Variants in JADE3 observed in about 807,000 individuals in gnomAD.
The protein encoded by JADE3 is jade family PHD finger 3.
Under a neutral mutation model 50.1 loss-of-function variants are expected in JADE3, and 2 were observed. That is an observed-to-expected ratio of 0.04 (90% confidence interval 0.02 to 0.13). The LOEUF (loss-of-function observed/expected upper bound fraction) is 0.13, where lower values mean the gene tolerates loss of function less well. Ranked by LOEUF, JADE3 falls within the 10% of genes least tolerant of loss-of-function variation. The probability of loss-of-function intolerance (pLI) is 1.00; values close to 1 mark genes in which losing one functional copy is unlikely to be tolerated. For synonymous variants in JADE3, 218 were observed against 232.9 expected (o/e 0.94, Z 0.58); for missense variants, 475 against 634.4 (o/e 0.75, Z 2.70).
intron 9 of JADE3, among the ~76,000 whole-genome samples, chrX:47,055,562 T>G (rs1343028271): frequency 8.9e-6 from 1 of 112,305 alleles, no homozygotes; most frequent in Non-Finnish European, 1.9e-5. Context: ...AAAGAAAGTT[T>G]GTGTAACTTG....
chrX:46,982,696 G>A (rs1927782462), intron 1 of JADE3, among the ~76,000 whole-genome samples: 2 of 110,934 alleles, frequency 1.8e-5, no homozygotes, highest in African/African-American at 6.6e-5. Context: ...GTTGCTCTTC[G>A]GGGGTACAAG....
intron 1 of JADE3, among the ~76,000 whole-genome samples, chrX:46,975,786 C>G (rs1927613598): frequency 1.2e-5 from 1 of 80,805 alleles, no homozygotes; most frequent in South Asian, 7.8e-4. Context: ...GTGGCATGAT[C>G]TCAGCTCACT....
chrX:46,957,113 C>T (rs1173686928), intron 1 of JADE3, among the ~76,000 whole-genome samples: 1 of 111,611 alleles, frequency 9.0e-6, no homozygotes, highest in Non-Finnish European at 1.9e-5. Context: ...GCATGAGCCA[C>T]CATTTTTAAA....
chrX:47,037,509 G>A (rs781999142), intron 7 of JADE3, among the ~76,000 whole-genome samples: 1 of 112,111 alleles, frequency 8.9e-6, no homozygotes, highest in East Asian at 2.8e-4. Context: ...CCTTGGCTGG[G>A]CGCAGTGGCT....
intron 5 of JADE3, 132 bp from the exon 6 acceptor site, chrX:47,027,760 G>T: frequency 4.0e-6 from 2 of 496,884 alleles, no homozygotes; most frequent in Admixed American, 3.9e-5. Context: ...TTTGAAATCT[G>T]GTTGTTTTAG....
intron 1 of JADE3, among the ~76,000 whole-genome samples, chrX:46,959,921 A>G (rs1556347328): frequency 1.8e-5 from 2 of 111,350 alleles, no homozygotes; most frequent in Non-Finnish European, 1.9e-5. Context: ...AGTGATTAAT[A>G]GCCCTGGTCC....
intron 1 of JADE3, among the ~76,000 whole-genome samples, chrX:46,913,786 C>G (rs1441145751): frequency 9.1e-6 from 1 of 110,013 alleles, no homozygotes; most frequent in African/African-American, 3.3e-5. Context: ...CGCTGTGCGG[C>G]CCTGGGACAT....
chrX:46,953,952 C>T (rs1485125183), intron 1 of JADE3, among the ~76,000 whole-genome samples: 3 of 111,682 alleles, frequency 2.7e-5, no homozygotes. Context: ...GCTTTCCCCA[C>T]ACTCTGTCCT....
chrX:46,917,814 TCTCTCTCA>T (rs1241843381), intron 1 of JADE3, among the ~76,000 whole-genome samples: 19 of 85,203 alleles, frequency 2.2e-4, no homozygotes, highest in East Asian at 4.1e-4. Context: ...TCTCTCTCTC[TCTCTCTCA>T]CTCTCTCTCA....
At chrX:46,918,931 C>T (rs1432463940) in intron 1 of JADE3, among the ~76,000 whole-genome samples, 39 of 112,439 alleles carry the variant, frequency 3.5e-4, no homozygotes, top group Admixed American at 2.9e-3. Context: ...GGGTGGTGAC[C>T]ATTCAAAGGT....
intron 1 of JADE3, among the ~76,000 whole-genome samples, chrX:46,944,086 A>T (rs886247604): frequency 2.7e-5 from 3 of 109,630 alleles, no homozygotes; most frequent in African/African-American, 1.0e-4. Flanking sequence ...GCTTATTTGG[A>T]TCTTCTCTCC....
chrX:47,027,828 C>G, intron 5 of JADE3, 64 bp from the exon 6 acceptor site: 1 of 943,995 alleles, frequency 1.1e-6, no homozygotes, highest in Non-Finnish European at 1.5e-6. Context: ...ACTGGGCTCA[C>G]AGTAGGTGTT....
At chrX:47,019,888 C>G (rs1489989850) in intron 4 of JADE3, among the ~76,000 whole-genome samples, 1 of 112,006 alleles carries the variant, frequency 8.9e-6, no homozygotes, top group Non-Finnish European at 1.9e-5. Flanking sequence ...GTCCTTTCAC[C>G]AAAGGCTAGT....
At chrX:47,055,164 C>T (rs1929608863) in intron 9 of JADE3, among the ~76,000 whole-genome samples, 1 of 111,120 alleles carries the variant, frequency 9.0e-6, no homozygotes, top group Non-Finnish European at 1.9e-5. Flanking sequence ...AAAATGTCTG[C>T]AAATTACCAA....
chrX:46,969,114 GA>G (rs1927428936), intron 1 of JADE3, among the ~76,000 whole-genome samples: 1 of 112,644 alleles, frequency 8.9e-6, no homozygotes, highest in South Asian at 3.6e-4. Flanking sequence ...AATCAAAGTA[GA>G]AATCAAAAAC....
At chrX:46,957,915 T>C (rs1477341455) in intron 1 of JADE3, among the ~76,000 whole-genome samples, 1 of 112,240 alleles carries the variant, frequency 8.9e-6, no homozygotes, top group Non-Finnish European at 1.9e-5. Flanking sequence ...TTGTGCAAAT[T>C]TGTGAGAGTT....
intron 1 of JADE3, among the ~76,000 whole-genome samples, chrX:46,975,723 T>TC (rs1171127352): frequency 1.2e-5 from 1 of 80,809 alleles, no homozygotes; most frequent in Non-Finnish European, 2.4e-5. Context: ...TCTTTTTTTT[T>TC]TTTTTTTTTT....
rs1006493631 is a variant in JADE3, at chrX:47,027,946, G to A, written c.530G>A (p.Arg177His). Residue 177 changes from arginine (R) to histidine (H), a missense_variant, in exon 6 of 11, where the codon CGC (arginine) becomes CAC (histidine). Coordinates refer to ENST00000614628, the MANE Select transcript of JADE3 (RefSeq NM_014735.5). Reference protein sequence around the residue: ...LMEKTVEVLERHCHENMNHAI... With the variant: ...LMEKTVEVLEHHCHENMNHAI... ...GAAAAGACAGTAGAAGTCCTGGAACGCCATTGCCATGAAAATATGAACCAT... is the reference window on the plus strand; with the variant it reads ...GAAAAGACAGTAGAAGTCCTGGAACACCATTGCCATGAAAATATGAACCAT... 9 of 1,208,057 alleles carry A rather than the reference G, an allele frequency of 7.4e-6. No individual in the cohort carries two copies. The highest frequency in any genetic ancestry group is 1.0e-5 in the Non-Finnish European group (9 of 894,011).
At chrX:47,018,631 G>T (rs2146971977) in intron 4 of JADE3, among the ~76,000 whole-genome samples, 1 of 112,408 alleles carries the variant, frequency 8.9e-6, no homozygotes, top group East Asian at 2.8e-4. Context: ...GCCGCGCCCG[G>T]CCCAGAGCAC....
Sources: allele counts gnomAD v4.1 joint callset (sites outside exome capture counted in the v4.1 genomes callset), GRCh38; gene constraint gnomAD v4.1.1; transcripts MANE v1.5; gene names NCBI Gene and HGNC (gene_info 2026-07-23, HGNC 2026-07-21).